The following MST1R variants were observed in gnomAD, a reference collection of about 807,000 sequenced individuals.
MST1R encodes macrophage stimulating 1 receptor, also known as macrophage-stimulating protein receptor.
A neutral mutation model predicts 117.8 loss-of-function variants in MST1R; 99 were observed. The ratio of observed to expected loss-of-function variants is 0.84; its 90% CI spans 0.71 to 0.99. The LOEUF (loss-of-function observed/expected upper bound fraction) is 0.99. Ranked by LOEUF, MST1R falls within the 50% of genes least tolerant of loss-of-function variation. MST1R has a pLI of 0.00. For missense variants in MST1R, 1,683 were observed against 1,840.2 expected (o/e 0.91, Z 1.56); for synonymous variants, 734 against 765.3 (o/e 0.96, Z 0.68).
rs371643033 is a variant in MST1R, at chr3:49,898,111, T to G, written c.1820A>C (p.His607Pro). Residue 607 changes from histidine to proline, a missense_variant, in exon 5 of 20, where the codon CAT becomes CCT. Transcript: ENST00000296474. ...HPSGLVPEGTHQVTVGQSPCR... is the reference protein window; with the variant it reads ...HPSGLVPEGTPQVTVGQSPCR... ...GGGACTTTGGCCCACAGTGACCTGA[T>G]GGGTTCCCTCAGGCACCAGACCAGA... 1.8e-5 allele frequency: 29 copies of G among 1,613,966 alleles called. No homozygotes were observed. In the African/African-American group the frequency reaches 3.3e-4, roughly 19 times the overall value.
At position 49,903,864 on chromosome 3, in the gene MST1R, G is replaced by A; in HGVS notation, c.-255C>T. 2.0e-6 allele frequency: 1 copy of A among 509,158 alleles called. No individual in the cohort carries two copies. The highest frequency in any genetic ancestry group is 3.4e-6 in the Non-Finnish European group (1 of 293,974). The allele number at this position is 509,158 out of a possible 1,614,324, so 31.5% of individuals were successfully genotyped here. A position where few individuals can be genotyped will look rare whatever the true frequency, so the allele number is the denominator to read the frequency against. The stretch of plus-strand genomic sequence containing the variant: ...CGCCTCACCTGCCGCCCCAGCCGCC[G>A]CTGTACACTGGCGCTTAGCGCTCAG... On this transcript the variant is annotated 5_prime_UTR_variant, in exon 1 of 20. Coordinates refer to ENST00000296474, the MANE Select transcript of MST1R (RefSeq NM_002447.4).
At position 49,897,513 on chromosome 3, in the gene MST1R, G is replaced by C. The variant is rs199774840; in HGVS notation, c.2046+7C>G. 2.4e-4 allele frequency: 387 copies of C among 1,612,816 alleles called. 1 individual carries two copies. The African/African-American group carries it at 3.9e-3, about 16-fold the overall frequency. On this transcript the variant is annotated splice_region_variant and intron_variant, in intron 6 of 19. Transcript: ENST00000296474. ...CCAAGGGCACAGACAGGGCAAGGTA[G>C]CCTCACCATGAAAGAGAAGCCTCTC...
intron 1 of MST1R, among the ~76,000 whole-genome samples, chr3:49,901,469 T>C (rs1476563730): frequency 6.6e-6 from 1 of 152,012 alleles, no homozygotes; most frequent in Non-Finnish European, 1.5e-5. Flanking sequence ...ACTTCCTGCC[T>C]GGGGTAGGGC....
At position 49,889,957 on chromosome 3, in the gene MST1R, C is replaced by T. The variant is rs373976686; in HGVS notation, c.3914G>A (p.Arg1305His). The change falls in exon 19 of 20, where the codon CGC becomes CAC. Residue 1305 changes from arginine to histidine, a missense_variant. Transcript: ENST00000296474. ...AGGGCAATACTCAGGCTGGGGCAGG[C>T]GCCGACCCTGGGCCAGGAAGTGGGT... ...DLTHFLAQGR[R>H]LPQPEYCPDS... 3.3e-5 allele frequency: 53 copies of T among 1,614,000 alleles called. No homozygotes were observed. The highest frequency in any genetic ancestry group is 3.7e-5 in the Non-Finnish European group (44 of 1,180,016).
Position 49,895,428 on chromosome 3 carries a change from C to T in MST1R, c.3064+19G>A. ...GGGACAGGGGGTGGCTTTAGCTTCT[C>T]ATGCCTCCACTATCTCACCAAGGCC... On this transcript the variant is annotated intron_variant, in intron 13 of 19. Transcript: ENST00000296474. 6.2e-7 allele frequency: 1 copy of T among 1,614,074 alleles called. No homozygotes were observed. The highest frequency in any genetic ancestry group is 8.5e-7 in the Non-Finnish European group (1 of 1,179,918).
chr3:49,888,463 G>A (rs1261190619), intron 19 of MST1R, among the ~76,000 whole-genome samples: 1 of 150,510 alleles, frequency 6.6e-6, no homozygotes, highest in African/African-American at 2.5e-5. Context: ...ATTACTGGGC[G>A]TGGTGGCACA....
At position 49,896,257 on chromosome 3, in the gene MST1R, G is replaced by A. The variant is rs551149864; in HGVS notation, c.2587C>T (p.Pro863Ser). ...ACTAGGTTGGCACTGGGTGGATGGG[G>A]TGGGGGTAGGAAGCGAAAGCCAGGC... ...TLPGFRFLPP[P>S]HPPSANLVPL... Residue 863 changes from proline (P) to serine (S), a missense_variant, in exon 10 of 20, where the codon CCC becomes TCC. By Grantham distance (74) the Pro-to-Ser change is moderately conservative (BLOSUM62 -1). Transcript: ENST00000296474. The A allele has an allele frequency of 1.2e-6, 2 of 1,614,150 alleles. No homozygotes were observed. Among genetic ancestry groups the A allele is most frequent in the African/African-American group, 1.3e-5 (1 of 75,036 alleles).
intron 14 of MST1R, 47 bp downstream of exon 14, chr3:49,895,120 T>A: frequency 6.2e-7 from 1 of 1,606,848 alleles, no homozygotes; most frequent in African/African-American, 1.3e-5. Flanking sequence ...CTAGCCTATG[T>A]CATCTTGAGA....
Position 49,897,685 on chromosome 3 carries a change from T to A in MST1R, c.1881A>T (p.Arg627Ser). The A allele has an allele frequency of 6.2e-7, 1 of 1,609,848 alleles. No individual in the cohort carries two copies. Among genetic ancestry groups the A allele is most frequent in the Non-Finnish European group, 8.5e-7 (1 of 1,177,802 alleles). Residue 627 changes from arginine (R) to serine (S), a missense_variant and splice_region_variant, in exon 6 of 20, where the codon AGA (arginine) becomes AGT (serine). By Grantham distance (110) the Arg-to-Ser change is moderately radical. Coordinates refer to ENST00000296474, the MANE Select transcript of MST1R (RefSeq NM_002447.4). The part of the protein sequence containing the change: ...RPLPKDSSKL[R>S]PVPRKDFVEE... ...CTACAAAGTCTTTCCGGGGCACTGGTCTGGGGCACCAGGGGAACCCCTGAG... is the reference window on the plus strand; with the variant it reads ...CTACAAAGTCTTTCCGGGGCACTGGACTGGGGCACCAGGGGAACCCCTGAG...
At position 49,896,564 on chromosome 3, in the gene MST1R, G is replaced by A. The variant is rs544189568; in HGVS notation, c.2415C>T (p.Asp805=). The A allele has an allele frequency of 4.3e-5, 70 of 1,614,130 alleles. No individual in the cohort carries two copies. Among genetic ancestry groups the A allele is most frequent in the Middle Eastern group, 1.6e-4 (1 of 6,062 alleles). Residue 805 remains aspartate (D), a synonymous_variant, in exon 9 of 20, where the codon GAC becomes GAT. Coordinates refer to ENST00000296474, the MANE Select transcript of MST1R (RefSeq NM_002447.4). ...CCCTGCTTTCCACTGCCCTAAGCCC[G>A]TCATGGAATGACAGCACTAAGTGCC... ...SAWHLVLSFH[D]GLRAVESRCE...
Position 49,895,296 on chromosome 3 carries a change from A to G in MST1R, c.3142T>C (p.Cys1048Arg), listed in dbSNP as rs770374198. ...ASFSDSEDES[C>R]VPLLRKESIQ... is the part of the protein sequence containing the mutation. ...GACTCTTTCCGCAGCAGTGGCACAC[A>G]GGATTCATCTTCACTATCGGAGAAG... is the stretch of plus-strand genomic sequence containing the variant. Residue 1048 changes from cysteine (C) to arginine (R), a missense_variant, in exon 14 of 20, where the codon TGT (cysteine) becomes CGT (arginine). Coordinates refer to ENST00000296474, the MANE Select transcript of MST1R (RefSeq NM_002447.4). The G allele has an allele frequency of 1.2e-6, 2 of 1,614,228 alleles. No individual in the cohort carries two copies. Among genetic ancestry groups the G allele is most frequent in the African/African-American group, 1.3e-5 (1 of 75,054 alleles).
At position 49,895,168 on chromosome 3, in the gene MST1R, T is replaced by C; in HGVS notation, c.3270A>G (p.Lys1090=). 6.2e-7 allele frequency: 1 copy of C among 1,613,834 alleles called. No homozygotes were observed. The highest frequency in any genetic ancestry group is 8.5e-7 in the Non-Finnish European group (1 of 1,180,008). Residue 1090 remains lysine (K), a splice_region_variant and synonymous_variant, in exon 14 of 20, where the codon AAA becomes AAG. Transcript: ENST00000296474. Reference sequence around the variant, plus strand: ...CCCAGCCCCACCTGGCCCCCACACCTTTGCCAATGACTCGGTCACTGTGGG... The same window carrying C: ...CCCAGCCCCACCTGGCCCCCACACCCTTGCCAATGACTCGGTCACTGTGGG... ...VVTHSDRVIG[K]GHFGVVYHGE...
chr3:49,896,962 GTT>G, intron 7 of MST1R, 72 bp from the exon 8 acceptor site: 1 of 1,432,692 alleles, frequency 7.0e-7, no homozygotes. Context: ...CCAGGGGCCT[GTT>G]GACCTCTCCC....
At position 49,898,082 on chromosome 3, in the gene MST1R, G is replaced by C; in HGVS notation, c.1849C>G (p.Arg617Gly). Residue 617 changes from arginine to glycine, a missense_variant, in exon 5 of 20, where the codon CGG becomes GGG. By Grantham distance (125) the Arg-to-Gly change is moderately radical (BLOSUM62 -2). Transcript: ENST00000296474. Reference sequence around the variant, plus strand: ...TTTGAGCTGTCCTTGGGCAGTGGCCGGCAGGGACTTTGGCCCACAGTGACC... The same window carrying C: ...TTTGAGCTGTCCTTGGGCAGTGGCCCGCAGGGACTTTGGCCCACAGTGACC... ...HQVTVGQSPC[R>G]PLPKDSSKLR... 6.2e-7 allele frequency: 1 copy of C among 1,614,098 alleles called. No individual in the cohort carries two copies. Among genetic ancestry groups the C allele is most frequent in the Non-Finnish European group, 8.5e-7 (1 of 1,180,036 alleles).
chr3:49,895,417 C>T (rs749877133), intron 13 of MST1R, 30 bp downstream of exon 13: 3 of 1,614,088 alleles, frequency 1.9e-6, no homozygotes, highest in Non-Finnish European at 2.5e-6. Context: ...CAGGGGGTGG[C>T]TTTAGCTTCT....
At chr3:49,891,158 C>T (rs2082303189) in intron 17 of MST1R, 39 bp downstream of exon 17, 1 of 1,585,208 alleles carries the variant, frequency 6.3e-7, no homozygotes, top group East Asian at 2.2e-5. Context: ...CCCTCATGCC[C>T]TGTCCTTTTG....
chr3:49,897,394 T>G lies in MST1R; in HGVS notation c.2069A>C (p.Gln690Pro). 6.2e-7 allele frequency: 1 copy of G among 1,613,752 alleles called. No individual in the cohort carries two copies. The highest frequency in any genetic ancestry group is 8.5e-7 in the Non-Finnish European group (1 of 1,179,870). ...SFMEPVLIAV[Q>P]PLFGPRAGGT... The stretch of plus-strand genomic sequence containing the variant: ...TCCTGCCCGTGGGCCAAAGAGGGGT[T>G]GCACTGCTATCAGCACTGGCTCCTA... The change falls in exon 7 of 20, where the codon CAA becomes CCA. Residue 690 changes from glutamine (Q) to proline (P), a missense_variant. By Grantham distance (76) the Gln-to-Pro change is moderately conservative (BLOSUM62 -1). Coordinates refer to ENST00000296474, the MANE Select transcript of MST1R (RefSeq NM_002447.4).
Position 49,903,680 on chromosome 3 carries a change from G to A in MST1R, c.-71C>T. 6.6e-7 allele frequency: 1 copy of A among 1,506,214 alleles called. No homozygotes were observed. The highest frequency in any genetic ancestry group is 8.8e-7 in the Non-Finnish European group (1 of 1,136,976). The allele number at this position is 1,506,214 out of a possible 1,614,324, so 93.3% of individuals were successfully genotyped here. On this transcript the variant is annotated 5_prime_UTR_variant, in exon 1 of 20. Coordinates refer to ENST00000296474, the MANE Select transcript of MST1R (RefSeq NM_002447.4). ...GACCTGGGCGTGGGCCTGGCTGGGG[G>A]CCCGACTCGAGGTCTGGACTGGGCC...
intron 17 of MST1R, 93 bp downstream of exon 17, chr3:49,891,104 G>A (rs2082301691): frequency 9.1e-7 from 1 of 1,102,894 alleles, no homozygotes; most frequent in Admixed American, 1.8e-5. Context: ...GGGAGGACAA[G>A]GCTGGAGTGG....
Sources: allele counts gnomAD v4.1 joint callset (sites outside exome capture counted in the v4.1 genomes callset), GRCh38; gene constraint gnomAD v4.1.1; transcripts MANE v1.5; gene names NCBI Gene and HGNC (gene_info 2026-07-23, HGNC 2026-07-21).